The following ZNF831 variants were observed in gnomAD, a reference collection of about 807,000 sequenced individuals.
ZNF831 encodes chromosome 20 open reading frame 174.
In ZNF831, 59 loss-of-function variants were observed where a neutral mutation model predicts 95.8. That is an observed-to-expected ratio of 0.62 (90% confidence interval 0.50 to 0.77). ZNF831 has a LOEUF of 0.77. Ranked by LOEUF, ZNF831 falls within the 30% of genes least tolerant of loss-of-function variation. The pLI is 0.00. For synonymous variants in ZNF831, 961 were observed against 925.5 expected (o/e 1.04, Z -0.70); for missense variants, 2,205 against 2,164.0 (o/e 1.02, Z -0.38).
chr20:59,140,293 T>C (rs1179590101), intron 1 of ZNF831, among the ~76,000 whole-genome samples: 1 of 152,186 alleles, frequency 6.6e-6, no homozygotes, highest in Non-Finnish European at 1.5e-5. Flanking sequence ...GAGGCTACCG[T>C]GATTTTAAAT....
intron 1 of ZNF831, among the ~76,000 whole-genome samples, chr20:59,165,158 G>A (rs1026107841): frequency 2.0e-5 from 3 of 152,192 alleles, no homozygotes; most frequent in Admixed American, 2.0e-4. Flanking sequence ...GGGAGGGTTG[G>A]TCCTGAAGGA....
chr20:59,137,100 C>T (rs1262242444), intron 1 of ZNF831, among the ~76,000 whole-genome samples: 1 of 152,194 alleles, frequency 6.6e-6, no homozygotes, highest in Non-Finnish European at 1.5e-5. Context: ...CCATCACCCA[C>T]CTCTGGACTG....
At chr20:59,228,551 G>A (rs1986553586) in intron 4 of ZNF831, among the ~76,000 whole-genome samples, 1 of 150,338 alleles carries the variant, frequency 6.7e-6, no homozygotes, top group African/African-American at 2.4e-5. Flanking sequence ...GCCTAGTGAG[G>A]CCATCCTAGA....
At chr20:59,155,616 G>A (rs938618483) in intron 2 of ZNF831, among the ~76,000 whole-genome samples, 9 of 152,208 alleles carry the variant, frequency 5.9e-5, no homozygotes, top group Non-Finnish European at 8.8e-5. Flanking sequence ...GCTGGCTTCC[G>A]CTGCCCAGCG....
At chr20:59,242,796 C>T (rs1452502329) in intron 4 of ZNF831, among the ~76,000 whole-genome samples, 5 of 152,162 alleles carry the variant, frequency 3.3e-5, no homozygotes, top group African/African-American at 9.7e-5. Flanking sequence ...CTCTGAGGAA[C>T]CAGGGCTGAG....
chr20:59,202,384 C>A (rs259999), intron 3 of ZNF831, among the ~76,000 whole-genome samples: 44,593 of 144,920 alleles, frequency 0.31, 7,806 homozygotes, highest in African/African-American at 0.48. Context: ...CAATGACAAC[C>A]TATGAAGTCT....
intron 1 of ZNF831, among the ~76,000 whole-genome samples, chr20:59,139,686 T>C (rs1279303144): frequency 6.6e-6 from 1 of 152,200 alleles, no homozygotes; most frequent in Non-Finnish European, 1.5e-5. Context: ...AAGTCAAATA[T>C]GTTTAGTGAC....
At chr20:59,125,535 G>A (rs1979146165) in intron 1 of ZNF831, among the ~76,000 whole-genome samples, 2 of 152,124 alleles carry the variant, frequency 1.3e-5, no homozygotes, top group South Asian at 4.1e-4. Flanking sequence ...CCGCCGATGG[G>A]TTTACTTTTT....
At chr20:59,146,417 G>A (rs1979864349) in intron 2 of ZNF831, 1 of 152,400 alleles carries the variant, frequency 6.6e-6, no homozygotes, top group African/African-American at 2.4e-5. Flanking sequence ...CTGGAGTTCT[G>A]GGATGCAAGG....
chr20:59,202,930 C>T (rs550553176), intron 3 of ZNF831, among the ~76,000 whole-genome samples: 17 of 152,132 alleles, frequency 1.1e-4, no homozygotes, highest in East Asian at 1.9e-4. Flanking sequence ...TTACATTTTA[C>T]GCTGCATTTT....
intron 4 of ZNF831, among the ~76,000 whole-genome samples, chr20:59,242,438 A>AT (rs529408915): frequency 6.2e-4 from 95 of 152,228 alleles, no homozygotes; most frequent in African/African-American, 2.0e-3. Flanking sequence ...CACTAATTAT[A>AT]TTTTTTCTCC....
At chr20:59,234,353 C>T (rs1986889420) in intron 4 of ZNF831, among the ~76,000 whole-genome samples, 1 of 94,244 alleles carries the variant, frequency 1.1e-5, no homozygotes, top group Admixed American at 1.1e-4. Context: ...TGATGCTCCC[C>T]TGTGTGGGCC....
intron 1 of ZNF831, among the ~76,000 whole-genome samples, chr20:59,170,151 AT>A (rs1981610147): frequency 6.6e-6 from 1 of 152,090 alleles, no homozygotes; most frequent in East Asian, 1.9e-4. Context: ...ATTTTAAAAC[AT>A]TTTTGTGGGT....
chr20:59,176,582 T>C (rs1367149054), intron 1 of ZNF831, among the ~76,000 whole-genome samples: 4 of 152,248 alleles, frequency 2.6e-5, no homozygotes, highest in Non-Finnish European at 4.4e-5. Context: ...ACATACCTTT[T>C]CTGAGTAACC....
intron 2 of ZNF831, among the ~76,000 whole-genome samples, chr20:59,194,984 A>C (rs1461290728): frequency 1.3e-5 from 2 of 152,262 alleles, no homozygotes; most frequent in Non-Finnish European, 2.9e-5. Context: ...CAAAGGAAAG[A>C]ATTACTGTAC....
At chr20:59,171,669 T>G (rs1213971112) in intron 1 of ZNF831, among the ~76,000 whole-genome samples, 1 of 152,216 alleles carries the variant, frequency 6.6e-6, no homozygotes, top group African/African-American at 2.4e-5. Context: ...TATAAAAATT[T>G]AAAACATGAA....
intron 1 of ZNF831, among the ~76,000 whole-genome samples, chr20:59,131,244 C>T (rs569178485): frequency 8.5e-5 from 13 of 152,152 alleles, no homozygotes; most frequent in Non-Finnish European, 1.8e-4. Context: ...CATCAGTACC[C>T]AAGTCACCAT....
chr20:59,248,629 A>C (rs575080297), intron 4 of ZNF831, among the ~76,000 whole-genome samples: 31 of 152,240 alleles, frequency 2.0e-4, no homozygotes, highest in Non-Finnish European at 3.5e-4. Context: ...TCTCTACACT[A>C]ATTGGTTTTA....
At chr20:59,152,364 GAGGCAGCGAGT>G (rs2146458672) in intron 2 of ZNF831, among the ~76,000 whole-genome samples, 1 of 152,262 alleles carries the variant, frequency 6.6e-6, no homozygotes, top group Admixed American at 6.5e-5. Context: ...CTTGGTTGAG[GAGGCAGCGAGT>G]AGGTGGACAG....
Sources: allele counts gnomAD v4.1 joint callset (sites outside exome capture counted in the v4.1 genomes callset), GRCh38; gene constraint gnomAD v4.1.1; transcripts MANE v1.5; gene names NCBI Gene and HGNC (gene_info 2026-07-23, HGNC 2026-07-21).